Variants in PTP4A3 observed in about 807,000 individuals in gnomAD.
PTP4A3 encodes protein tyrosine phosphatase 4A3, also known as protein tyrosine phosphatase type IVA 3.
Under a neutral mutation model 15.2 loss-of-function variants are expected in PTP4A3, and 9 were observed. The ratio of observed to expected loss-of-function variants is 0.59; its 90% CI spans 0.36 to 1.03. PTP4A3 has a LOEUF of 1.03. Among genes scored for constraint, PTP4A3 ranks in the 50% least tolerant of loss-of-function variants. The probability of loss-of-function intolerance (pLI) is 0.02; values close to 1 mark genes in which losing one functional copy is unlikely to be tolerated. For synonymous variants in PTP4A3, 95 were observed against 102.0 expected (o/e 0.93, Z 0.41); for missense variants, 234 against 252.1 (o/e 0.93, Z 0.49).
intron 1 of PTP4A3, among the ~76,000 whole-genome samples, chr8:141,401,974 T>A (rs1262370773): frequency 2.0e-5 from 3 of 152,210 alleles, no homozygotes; most frequent in Non-Finnish European, 4.4e-5. Context: ...GGCCCCGTGA[T>A]GCCAGGGCCA....
intron 1 of PTP4A3, among the ~76,000 whole-genome samples, chr8:141,420,293 G>A (rs1007168045): frequency 6.6e-6 from 1 of 152,174 alleles, no homozygotes; most frequent in African/African-American, 2.4e-5. Flanking sequence ...GCCAGGGCCA[G>A]CAGTGCGGGG....
At chr8:141,394,098 C>T (rs949873100) in intron 1 of PTP4A3, among the ~76,000 whole-genome samples, 4 of 152,158 alleles carry the variant, frequency 2.6e-5, no homozygotes, top group African/African-American at 4.8e-5. Flanking sequence ...GCAGAGTGTC[C>T]GCTGGTGCCC....
At chr8:141,429,104 G>A (rs960473701) in intron 5 of PTP4A3, among the ~76,000 whole-genome samples, 10 of 152,270 alleles carry the variant, frequency 6.6e-5, no homozygotes, top group Non-Finnish European at 1.3e-4. Flanking sequence ...CAACGACTCA[G>A]AACAGCACGG....
chr8:141,424,543 C>T (rs924608206), intron 2 of PTP4A3, among the ~76,000 whole-genome samples: 1 of 152,156 alleles, frequency 6.6e-6, no homozygotes, highest in African/African-American at 2.4e-5. Context: ...CACACGTGGG[C>T]TGGGGAGTCC....
In PTP4A3 at chr8:141,427,893, G is replaced by A; in HGVS notation, c.404+69G>A. 4 of 1,421,656 alleles carry A rather than the reference G, an allele frequency of 2.8e-6. No homozygotes were observed. The South Asian group carries it at 5.0e-5, about 18-fold the overall frequency. 88.1% of individuals were successfully genotyped at this position (1,421,656 alleles called of 1,614,324 possible). ...GGGGAGATCCGGCTGCCCACGAAGG[G>A]TGGCGGCATTGGCTGTGTGGTTCCG... On this transcript the variant is annotated intron_variant, in intron 5 of 5. Transcript: ENST00000521578.
In PTP4A3 at chr8:141,431,210, C is replaced by T. The variant is rs1049941882; in HGVS notation, c.*166C>T. 4.9e-5 allele frequency: 32 copies of T among 648,332 alleles called. No individual in the cohort carries two copies. The highest frequency in any genetic ancestry group is 8.0e-4 in the Middle Eastern group (2 of 2,514). The allele number at this position is 648,332 out of a possible 1,614,324, so 40.2% of individuals were successfully genotyped here. On this transcript the variant is annotated 3_prime_UTR_variant, in exon 6 of 6. Transcript: ENST00000521578. ...CCTCCGTGCACTTGTGTCCGAGGAGCGAGGAGCCCCTCGGGCCCTGGGTGG... is the reference window on the plus strand; with the variant it reads ...CCTCCGTGCACTTGTGTCCGAGGAGTGAGGAGCCCCTCGGGCCCTGGGTGG...
intron 1 of PTP4A3, among the ~76,000 whole-genome samples, chr8:141,413,077 G>A (rs999076723): frequency 2.0e-5 from 3 of 152,208 alleles, no homozygotes; most frequent in South Asian, 2.1e-4. Flanking sequence ...CTTGGGGGTC[G>A]GTTCCTGCCC....
chr8:141,400,410 C>T (rs1832562254), intron 1 of PTP4A3, among the ~76,000 whole-genome samples: 1 of 152,274 alleles, frequency 6.6e-6, no homozygotes, highest in South Asian at 2.1e-4. Context: ...TGGGCTTCTG[C>T]TTCATTTCAC....
intron 1 of PTP4A3, among the ~76,000 whole-genome samples, chr8:141,418,179 G>A (rs151290914): frequency 6.6e-6 from 1 of 152,108 alleles, no homozygotes; most frequent in Non-Finnish European, 1.5e-5. Context: ...CTGGTTCCCC[G>A]GGACTCCCCA....
chr8:141,405,604 C>T (rs1428241547), intron 1 of PTP4A3, among the ~76,000 whole-genome samples: 3 of 152,374 alleles, frequency 2.0e-5, no homozygotes, highest in East Asian at 3.9e-4. Context: ...TATGTTCACA[C>T]ATCCACTGAG....
chr8:141,427,816 C>A lies in PTP4A3; in HGVS notation c.396C>A (p.Phe132Leu). 6.5e-7 allele frequency: 1 copy of A among 1,550,250 alleles called. No homozygotes were observed. ...TGAAGTACGAGGACGCCATCCAGTTCATCCGCCAGTGAGTGGCCGCGGTGG... is the reference window on the plus strand; with the variant it reads ...TGAAGTACGAGGACGCCATCCAGTTAATCCGCCAGTGAGTGGCCGCGGTGG... ...SGMKYEDAIQ[F>L]IRQKRRGAIN... Residue 132 changes from phenylalanine to leucine, a missense_variant, in exon 5 of 6, where the codon TTC (phenylalanine) becomes TTA (leucine). Transcript: ENST00000521578.
chr8:141,397,858 G>A (rs1471346652), intron 1 of PTP4A3, among the ~76,000 whole-genome samples: 3 of 152,236 alleles, frequency 2.0e-5, no homozygotes, highest in Non-Finnish European at 4.4e-5. Context: ...TGGTTCTGAG[G>A]GCTTGGCACC....
chr8:141,393,583 G>A (rs2129751911), intron 1 of PTP4A3, among the ~76,000 whole-genome samples: 1 of 152,360 alleles, frequency 6.6e-6, no homozygotes, highest in East Asian at 1.9e-4. Flanking sequence ...GCAGGCAGTC[G>A]GCGTGATGGG....
rs149860384 is a variant in PTP4A3, at chr8:141,422,770, G to C, written c.105+425G>C. Among the ~76,000 whole-genome samples, 864 of 152,308 alleles carry C rather than the reference G, an allele frequency of 5.7e-3. 6 individuals carry two copies. The highest frequency in any genetic ancestry group is 0.019 in the African/African-American group (795 of 41,564). On this transcript the variant is annotated intron_variant, in intron 2 of 5. Coordinates refer to ENST00000521578, the MANE Select transcript of PTP4A3 (RefSeq NM_032611.3). ...CAGGTTAGACCAGGCTGGACTAGGG[G>C]CTTCAGGGCCCAGATCTCTGTGTGA...
At chr8:141,423,514 ATGTGTGACCAGGGTTGAGGCTCAG>A (rs1833427082) in intron 2 of PTP4A3, among the ~76,000 whole-genome samples, 1 of 138,128 alleles carries the variant, frequency 7.2e-6, no homozygotes, top group African/African-American at 2.8e-5. Flanking sequence ...TCAGGGCTCA[ATGTGTGACCAGGGTTGAGGCTCAG>A]TGTGTGTCCA....
rs2130405851 is a variant in PTP4A3, at chr8:141,431,301, T to C, written c.*257T>C. The C allele has an allele frequency of 1.8e-6, 1 of 543,800 alleles. No individual in the cohort carries two copies. The highest frequency in any genetic ancestry group is 2.3e-5 in the South Asian group (1 of 43,422). The allele number at this position is 543,800 out of a possible 1,614,324, so 33.7% of individuals were successfully genotyped here. A position where few individuals can be genotyped will look rare whatever the true frequency, so the allele number is the denominator to read the frequency against. On this transcript the variant is annotated 3_prime_UTR_variant, in exon 6 of 6. Transcript: ENST00000521578. ...GGCGCTGGCCGTGGCTCTGTCTCTCTGAGGTGGGTCGGGCGCCCTCTGCCC... is the reference window on the plus strand; with the variant it reads ...GGCGCTGGCCGTGGCTCTGTCTCTCCGAGGTGGGTCGGGCGCCCTCTGCCC...
rs199515669 is a variant in PTP4A3 at position 141,427,084 on chromosome 8, G to T, written c.329+15G>T. The T allele has an allele frequency of 3.1e-6, 5 of 1,593,484 alleles. No homozygotes were observed. The South Asian group carries it at 5.5e-5, about 18-fold the overall frequency. ...GGCCTGGGCCGGTGAGTGTCGGGGC[G>T]GGGTAGGGCTCGCCATGTCAGGTGG... On this transcript the variant is annotated intron_variant, in intron 4 of 5. Transcript: ENST00000521578.
chr8:141,412,150 G>A (rs1832887034), intron 1 of PTP4A3, among the ~76,000 whole-genome samples: 1 of 152,232 alleles, frequency 6.6e-6, no homozygotes, highest in Admixed American at 6.5e-5. Context: ...GCTGGGCAGT[G>A]GCTAAGCGTG....
chr8:141,411,365 C>T (rs1370133404), intron 1 of PTP4A3, among the ~76,000 whole-genome samples: 1 of 152,190 alleles, frequency 6.6e-6, no homozygotes, highest in Non-Finnish European at 1.5e-5. Context: ...CAGCACTGGT[C>T]CCCCCAGTAG....
Sources: gnomAD v4.1 joint callset for allele counts (sites outside exome capture counted in the v4.1 genomes callset) on GRCh38, gnomAD v4.1.1 for gene constraint, MANE v1.5 for transcripts, NCBI Gene and HGNC (gene_info 2026-07-23, HGNC 2026-07-21) for gene names.